PAX7: variants seen among roughly 807,000 people sequenced by gnomAD.
PAX7 encodes the protein paired box protein Pax-7.
A neutral mutation model predicts 50.7 loss-of-function variants in PAX7; 18 were observed. That is an observed-to-expected ratio of 0.36 (90% CI 0.25 to 0.53). The LOEUF is 0.53. Among genes scored for constraint, PAX7 ranks in the 20% least tolerant of loss-of-function variants. The pLI, the probability that PAX7 is intolerant of heterozygous loss-of-function variation, is 0.93. For missense variants in PAX7, 644 were observed against 702.9 expected (o/e 0.92, Z 0.95); for synonymous variants, 310 against 290.4 (o/e 1.07, Z -0.69).
chr1:18,688,780 G>T (rs1417277225), intron 4 of PAX7, among the ~76,000 whole-genome samples: 1 of 152,164 alleles, frequency 6.6e-6, no homozygotes, highest in East Asian at 1.9e-4. Flanking sequence ...TGGCCATGGT[G>T]GTGTGTGCCT....
chr1:18,648,825 G>A (rs531194179), intron 4 of PAX7, among the ~76,000 whole-genome samples: 9 of 152,274 alleles, frequency 5.9e-5, no homozygotes, highest in East Asian at 5.8e-4. Context: ...AGAATGTACC[G>A]GAAGATGTGG....
intron 4 of PAX7, among the ~76,000 whole-genome samples, chr1:18,668,754 A>G (rs1272856251): frequency 1.3e-5 from 2 of 152,192 alleles, no homozygotes; most frequent in African/African-American, 2.4e-5. Context: ...CATTTTTGCA[A>G]TGCCTACCTG....
intron 4 of PAX7, among the ~76,000 whole-genome samples, chr1:18,640,308 G>C (rs1485210953): frequency 6.6e-6 from 1 of 152,136 alleles, no homozygotes; most frequent in African/African-American, 2.4e-5. Flanking sequence ...TGCTACACTG[G>C]AGGAAGCTGT....
At position 18,745,918 on chromosome 1, in the gene PAX7, C is replaced by A. The variant is rs765924875; in HGVS notation, c.*989C>A. On this transcript the variant is annotated 3_prime_UTR_variant, in exon 9 of 9. Transcript: ENST00000420770. ...ATCCCTCTGTTTGTGGGAGGGCAAG[C>A]CTTTGTTGCCCAAGGCTTCAGCTCT... 8.6e-6 allele frequency: 2 copies of A among 231,692 alleles called. No homozygotes were observed. The highest frequency in any genetic ancestry group is 2.2e-5 in the African/African-American group (1 of 45,258). The allele number at this position is 231,692 out of a possible 1,614,324, so 14.4% of individuals were successfully genotyped here. A position where few individuals can be genotyped will look rare whatever the true frequency, so the allele number is the denominator to read the frequency against.
chr1:18,641,493 G>T (rs1345269434), intron 4 of PAX7, among the ~76,000 whole-genome samples: 2 of 152,246 alleles, frequency 1.3e-5, no homozygotes, highest in African/African-American at 4.8e-5. Flanking sequence ...TTGGAACGCA[G>T]GCACGTCTGA....
intron 7 of PAX7, among the ~76,000 whole-genome samples, chr1:18,722,219 AGC>A (rs1435923024): frequency 1.3e-5 from 2 of 152,162 alleles, no homozygotes; most frequent in East Asian, 3.9e-4. Flanking sequence ...TCGTAATCAG[AGC>A]GGGGGGCCCA....
chr1:18,656,925 G>A (rs980162434), intron 4 of PAX7, among the ~76,000 whole-genome samples: 4 of 152,102 alleles, frequency 2.6e-5, no homozygotes, highest in Non-Finnish European at 4.4e-5. Flanking sequence ...CTGGGAGGTC[G>A]AGGTTGCAGT....
intron 4 of PAX7, among the ~76,000 whole-genome samples, chr1:18,665,617 C>T (rs1212668608): frequency 6.6e-6 from 1 of 151,834 alleles, no homozygotes; most frequent in African/African-American, 2.4e-5. Flanking sequence ...TCGTGATCCA[C>T]CTGCCTCACC....
At chr1:18,693,221 C>T (rs1205462899) in intron 5 of PAX7, among the ~76,000 whole-genome samples, 1 of 152,210 alleles carries the variant, frequency 6.6e-6, no homozygotes, top group South Asian at 2.1e-4. Flanking sequence ...CCACCCCAAA[C>T]TGCTGACGGC....
chr1:18,655,324 A>T (rs2088497091), intron 4 of PAX7, among the ~76,000 whole-genome samples: 1 of 152,220 alleles, frequency 6.6e-6, no homozygotes, highest in Non-Finnish European at 1.5e-5. Context: ...GAAGCCACTT[A>T]ATTACCATGC....
chr1:18,637,904 G>C (rs1570104668), intron 4 of PAX7, among the ~76,000 whole-genome samples: 1 of 152,246 alleles, frequency 6.6e-6, no homozygotes, highest in Non-Finnish European at 1.5e-5. Flanking sequence ...ACGGGTCTGC[G>C]GCGGGAGGCA....
In PAX7 at chr1:18,704,438, C is replaced by T. The variant is rs541255327; in HGVS notation, c.1155+1142C>T. On this transcript the variant is annotated intron_variant, in intron 7 of 8. Transcript: ENST00000420770. ...GAGTTCGAGACCAGCCTGGCCAGTACGGTGAAACTTTGTCTCTACAGCAAT... is the reference window on the plus strand; with the variant it reads ...GAGTTCGAGACCAGCCTGGCCAGTATGGTGAAACTTTGTCTCTACAGCAAT... 5.3e-5 allele frequency among the ~76,000 whole-genome samples: 8 copies of T among 152,192 alleles called. No homozygotes were observed. In the South Asian group the frequency reaches 1.0e-3, roughly 20 times the overall value.
At position 18,631,482 on chromosome 1, in the gene PAX7, G is replaced by A. The variant is rs1008849160; in HGVS notation, c.-122G>A. 3.2e-5 allele frequency: 26 copies of A among 806,842 alleles called. No individual in the cohort carries two copies. The Middle Eastern group carries it at 7.1e-4, about 22-fold the overall frequency. The allele number at this position is 806,842 out of a possible 1,614,324, so 50.0% of individuals were successfully genotyped here. ...GGTAGGGAGTGTGTGTGGAGGGGAG[G>A]GAGAAGAGGTTAAAAAAAAGAAGAC... On this transcript the variant is annotated 5_prime_UTR_variant, in exon 1 of 9. Transcript: ENST00000420770.
intron 4 of PAX7, among the ~76,000 whole-genome samples, chr1:18,684,959 C>G (rs1350368058): frequency 6.6e-6 from 1 of 152,128 alleles, no homozygotes; most frequent in African/African-American, 2.4e-5. Context: ...CCTCTGTGAG[C>G]TGGGTAGATT....
chr1:18,633,379 T>C (rs895860730), intron 1 of PAX7, among the ~76,000 whole-genome samples: 2 of 152,100 alleles, frequency 1.3e-5, no homozygotes, highest in Non-Finnish European at 2.9e-5. Flanking sequence ...GTGTAGACTT[T>C]GCATTAAGGC....
At chr1:18,710,728 AC>A (rs1226488402) in intron 7 of PAX7, among the ~76,000 whole-genome samples, 2 of 152,008 alleles carry the variant, frequency 1.3e-5, no homozygotes, top group African/African-American at 4.8e-5. Flanking sequence ...GTCCACAATT[AC>A]CCCCTCCTTC....
chr1:18,730,063 C>T lies in PAX7; in HGVS notation c.1156-5569C>T, dbSNP rs185705562. On this transcript the variant is annotated intron_variant, in intron 7 of 8. Coordinates refer to ENST00000420770, the MANE Select transcript of PAX7 (RefSeq NM_001135254.2). ...CTTCTAATCCAGGCAGAAGAGGTGT[C>T]GGGGAGGTGAAAAAGGAAGGGGAGG... is the stretch of plus-strand genomic sequence containing the variant. 3.0e-4 allele frequency among the ~76,000 whole-genome samples: 46 copies of T among 151,958 alleles called. No individual in the cohort carries two copies. The East Asian group carries it at 5.2e-3, about 17-fold the overall frequency.
chr1:18,685,053 C>T (rs985451537), intron 4 of PAX7, among the ~76,000 whole-genome samples: 3 of 152,122 alleles, frequency 2.0e-5, no homozygotes, highest in Non-Finnish European at 2.9e-5. Context: ...AGAGAAGCCA[C>T]GTTGGTTTTC....
chr1:18,641,394 T>G (rs2088251308), intron 4 of PAX7, among the ~76,000 whole-genome samples: 1 of 152,018 alleles, frequency 6.6e-6, no homozygotes, highest in Non-Finnish European at 1.5e-5. Flanking sequence ...CCTTTGGGAC[T>G]CCGTGGGGAG....
Sources: allele counts gnomAD v4.1 joint callset (sites outside exome capture counted in the v4.1 genomes callset), GRCh38; gene constraint gnomAD v4.1.1; transcripts MANE v1.5; gene names NCBI Gene and HGNC (gene_info 2026-07-23, HGNC 2026-07-21).